The following SYTL2 variants were observed in gnomAD, a reference collection of about 807,000 sequenced individuals.
SYTL2 encodes the protein synaptotagmin-like protein 2.
Under a neutral mutation model 198.7 loss-of-function variants are expected in SYTL2, and 165 were observed. That is an observed-to-expected ratio of 0.83 (90% CI 0.73 to 0.94). SYTL2 has a LOEUF of 0.94. Among genes scored for constraint, SYTL2 ranks in the 40% least tolerant of loss-of-function variants. The probability of loss-of-function intolerance (pLI) is 0.00; values close to 1 mark genes in which losing one functional copy is unlikely to be tolerated. For missense variants in SYTL2, 2,835 were observed against 2,582.8 expected (o/e 1.10, Z -2.12); for synonymous variants, 966 against 917.7 (o/e 1.05, Z -0.95).
chr11:85,800,501 A>C lies in SYTL2; in HGVS notation c.-390+10453T>G, dbSNP rs559398646. Among the ~76,000 whole-genome samples, 17 of 151,914 alleles carry C rather than the reference A, an allele frequency of 1.1e-4. No homozygotes were observed. In the South Asian group the frequency reaches 2.1e-3, roughly 19 times the overall value. On this transcript the variant is annotated intron_variant, in intron 1 of 19. Transcript: ENST00000359152. ...GCTATGTTGCTCAGGCTGGTCTCAA[A>C]CTCCTGGGTTCAAGCAATCCTCCCA... is the stretch of plus-strand genomic sequence containing the variant.
At chr11:85,811,211 C>G (rs970610832), upstream of SYTL2, 1 of 151,892 alleles carries the variant, frequency 6.6e-6, no homozygotes, top group African/African-American at 2.4e-5. Context: ...GCGGTGGGGC[C>G]GGTCCCGGGT....
chr11:85,775,413 G>A lies in SYTL2; in HGVS notation c.-389-17299C>T, dbSNP rs553505922. Among the ~76,000 whole-genome samples, 50 of 152,252 alleles carry A rather than the reference G, an allele frequency of 3.3e-4. 1 individual carries two copies. The South Asian group carries it at 8.3e-3, about 25-fold the overall frequency. On this transcript the variant is annotated intron_variant, in intron 1 of 19. Coordinates refer to ENST00000359152, the MANE Select transcript of SYTL2 (RefSeq NM_206927.4). ...GGGTTTACACTGTACTGTAGCACAC[G>A]TACTCTTCACAACCCTTCTTGGGAG... is the stretch of plus-strand genomic sequence containing the variant.
At chr11:85,825,568 G>C in the SYTL2 span, among the ~76,000 whole-genome samples, 1 of 152,192 alleles carries the variant, frequency 6.6e-6, no homozygotes, top group Admixed American at 6.5e-5. Context: ...AAAGAGCTGG[G>C]TCCCTGATCT....
chr11:85,794,329 C>A (rs1022740120), intron 1 of SYTL2, among the ~76,000 whole-genome samples: 4 of 152,110 alleles, frequency 2.6e-5, no homozygotes, highest in African/African-American at 9.7e-5. Flanking sequence ...GAGGCACATG[C>A]CATTACATCC....
At chr11:85,801,027 A>C (rs1488534245) in intron 1 of SYTL2, among the ~76,000 whole-genome samples, 6 of 152,162 alleles carry the variant, frequency 3.9e-5, no homozygotes, top group African/African-American at 1.4e-4. Context: ...ACAGAAACAC[A>C]CATCTGTGTG....
At chr11:85,707,655 T>C in intron 14 of SYTL2, 124 bp from the exon 15 acceptor site, 1 of 665,702 alleles carries the variant, frequency 1.5e-6, no homozygotes, top group Non-Finnish European at 2.6e-6. Flanking sequence ...AGAAAAGCAG[T>C]GAATAACAAA....
At chr11:85,836,502 A>T in the SYTL2 span, among the ~76,000 whole-genome samples, 1 of 152,000 alleles carries the variant, frequency 6.6e-6, no homozygotes, top group Non-Finnish European at 1.5e-5. Context: ...TAATAATAAT[A>T]ATATATTAAG....
At chr11:85,722,737 TAG>T (rs1180889456) in intron 8 of SYTL2, among the ~76,000 whole-genome samples, 27 of 152,072 alleles carry the variant, frequency 1.8e-4, no homozygotes, top group African/African-American at 6.5e-4. Context: ...TAAATAAATT[TAG>T]AGATTTAATT....
chr11:85,828,762 C>T, the SYTL2 span, among the ~76,000 whole-genome samples: 3 of 152,190 alleles, frequency 2.0e-5, no homozygotes, highest in Non-Finnish European at 4.4e-5. Flanking sequence ...GCTAAGGCCA[C>T]GGAGACTACA....
intron 1 of SYTL2, among the ~76,000 whole-genome samples, chr11:85,786,773 A>C (rs563710365): frequency 1.3e-5 from 2 of 152,134 alleles, no homozygotes; most frequent in South Asian, 4.1e-4. Flanking sequence ...CACACAACCT[A>C]AATTTTGCTC....
chr11:85,738,780 TA>T (rs1426481957), intron 4 of SYTL2, among the ~76,000 whole-genome samples: 4 of 152,168 alleles, frequency 2.6e-5, no homozygotes. Flanking sequence ...AGCAGTTACA[TA>T]ATCAGAAGAC....
chr11:85,727,589 G>A lies in SYTL2; in HGVS notation c.1769C>T (p.Ser590Leu), dbSNP rs903500502. ...CATATCTCCCTCTGCTTGGAATGGT[G>A]AGTCAGATCTCACAGGCTTCAATTC... ...KIELKPVRSD[S>L]PFQAEGDMLV... Residue 590 changes from serine (S) to leucine (L), a missense_variant, in exon 8 of 20, where the codon TCA becomes TTA. Ser to Leu is a moderately radical substitution (Grantham distance 145, BLOSUM62 -2). Transcript: ENST00000359152. 2.2e-5 allele frequency: 34 copies of A among 1,536,076 alleles called. No homozygotes were observed. Among genetic ancestry groups the A allele is most frequent in the Non-Finnish European group, 2.9e-5 (33 of 1,146,880 alleles).
At chr11:85,729,716 C>A (rs2089602591) in intron 7 of SYTL2, among the ~76,000 whole-genome samples, 1 of 152,044 alleles carries the variant, frequency 6.6e-6, no homozygotes, top group South Asian at 2.1e-4. Context: ...CAAAAGCTAG[C>A]AGAAGACAAG....
intron 7 of SYTL2, among the ~76,000 whole-genome samples, chr11:85,730,715 T>C (rs964575670): frequency 6.6e-6 from 1 of 152,114 alleles, no homozygotes; most frequent in African/African-American, 2.4e-5. Context: ...ACCACTCCTA[T>C]TCAACATAGT....
At chr11:85,698,819 G>A (rs891744663) in intron 17 of SYTL2, among the ~76,000 whole-genome samples, 8 of 152,234 alleles carry the variant, frequency 5.3e-5, no homozygotes, top group East Asian at 3.9e-4. Context: ...GATTACAGGC[G>A]TGAGCCACCA....
chr11:85,720,671 T>C (rs932485080), intron 9 of SYTL2, among the ~76,000 whole-genome samples, 187 bp downstream of exon 9: 3 of 152,214 alleles, frequency 2.0e-5, no homozygotes, highest in Admixed American at 2.0e-4. Context: ...TATATTATTT[T>C]ATAAGCAAAG....
At chr11:85,815,938 T>C (rs963517096), upstream of SYTL2, among the ~76,000 whole-genome samples, 3 of 152,046 alleles carry the variant, frequency 2.0e-5, no homozygotes, top group Non-Finnish European at 4.4e-5. Context: ...CCAGGGCTGG[T>C]GGATTGCTTG....
intron 1 of SYTL2, among the ~76,000 whole-genome samples, chr11:85,807,080 T>C (rs4944538): frequency 0.42 from 63,416 of 152,176 alleles, 14,255 homozygotes; most frequent in African/African-American, 0.58. Context: ...TTGCTTCCTC[T>C]TAGCAAGCCT....
intron 5 of SYTL2, among the ~76,000 whole-genome samples, chr11:85,737,149 A>G (rs116734233): frequency 0.011 from 1,665 of 152,318 alleles, 14 homozygotes; most frequent in African/African-American, 0.036. Context: ...TTAAAAATTA[A>G]TATAGGAATC....
Sources: gnomAD v4.1 joint callset for allele counts (sites outside exome capture counted in the v4.1 genomes callset) on GRCh38, gnomAD v4.1.1 for gene constraint, MANE v1.5 for transcripts, NCBI Gene and HGNC (gene_info 2026-07-23, HGNC 2026-07-21) for gene names.